Variants in EPB41L3 observed in about 807,000 individuals in gnomAD.
EPB41L3 encodes the protein band 4.1-like protein 3.
Under a neutral mutation model 127.1 loss-of-function variants are expected in EPB41L3, and 57 were observed. The ratio of observed to expected loss-of-function variants is 0.45; its 90% CI spans 0.36 to 0.56. The LOEUF (loss-of-function observed/expected upper bound fraction) is 0.56. EPB41L3 is among the 20% of genes least tolerant of loss of function. The pLI, the probability that EPB41L3 is intolerant of heterozygous loss-of-function variation, is 0.00. For synonymous variants in EPB41L3, 572 were observed against 549.5 expected (o/e 1.04, Z -0.57); for missense variants, 1,273 against 1,372.2 (o/e 0.93, Z 1.14).
At chr18:5,511,391 G>GTTTTTTT (rs1190047630) in intron 1 of EPB41L3, among the ~76,000 whole-genome samples, 1,247 of 59,956 alleles carry the variant, frequency 0.021, 33 homozygotes, top group Non-Finnish European at 0.024. Flanking sequence ...AGGTATTTTG[G>GTTTTTTT]TTTTTTTTTT....
At chr18:5,585,563 T>G (rs1313811424) in intron 3 of EPB41L3, among the ~76,000 whole-genome samples, 3 of 152,172 alleles carry the variant, frequency 2.0e-5, no homozygotes, top group Non-Finnish European at 2.9e-5. Flanking sequence ...CAGATCTATT[T>G]AAAAGATTCT....
chr18:5,452,756 G>A (rs542096638), intron 3 of EPB41L3, among the ~76,000 whole-genome samples: 19 of 151,158 alleles, frequency 1.3e-4, no homozygotes, highest in Non-Finnish European at 2.2e-4. Context: ...TACAATATAA[G>A]AAAACCAGAA....
chr18:5,596,070 C>T (rs1454832314), intron 3 of EPB41L3, among the ~76,000 whole-genome samples: 1 of 152,168 alleles, frequency 6.6e-6, no homozygotes, highest in Admixed American at 6.5e-5. Flanking sequence ...GATGCTTAAA[C>T]AATGGAATGA....
At chr18:5,510,730 C>T (rs2092469415) in intron 1 of EPB41L3, among the ~76,000 whole-genome samples, 1 of 152,200 alleles carries the variant, frequency 6.6e-6, no homozygotes, top group Non-Finnish European at 1.5e-5. Context: ...CAGTTTTTAG[C>T]TTTCTATCCT....
chr18:5,549,194 T>G (rs987580646), upstream of EPB41L3, among the ~76,000 whole-genome samples: 11 of 152,218 alleles, frequency 7.2e-5, no homozygotes, highest in African/African-American at 2.7e-4. Flanking sequence ...ATTAGCTTTG[T>G]TTCTTAATTT....
intron 1 of EPB41L3, among the ~76,000 whole-genome samples, chr18:5,523,243 C>A (rs894815109): frequency 6.6e-6 from 1 of 152,168 alleles, no homozygotes; most frequent in Non-Finnish European, 1.5e-5. Context: ...CTACTCAAAT[C>A]ATCCATAATG....
chr18:5,403,389 T>C (rs2074825763), intron 16 of EPB41L3, among the ~76,000 whole-genome samples: 1 of 152,140 alleles, frequency 6.6e-6, no homozygotes, highest in African/African-American at 2.4e-5. Flanking sequence ...TCTCAGAACA[T>C]AACATCATTA....
At chr18:5,611,682 T>C (rs760791757) in intron 3 of EPB41L3, among the ~76,000 whole-genome samples, 1 of 152,072 alleles carries the variant, frequency 6.6e-6, no homozygotes, top group Non-Finnish European at 1.5e-5. Flanking sequence ...AATCCCAACA[T>C]TTTAGGAGGC....
intron 5 of EPB41L3, among the ~76,000 whole-genome samples, chr18:5,439,637 A>G (rs1425032601): frequency 6.6e-6 from 1 of 152,128 alleles, no homozygotes; most frequent in African/African-American, 2.4e-5. Context: ...TCATTTTTAA[A>G]CCATTCAAAA....
intron 15 of EPB41L3, 39 bp downstream of exon 15, chr18:5,407,662 T>C (rs763053679): frequency 6.3e-6 from 10 of 1,581,096 alleles, no homozygotes; most frequent in South Asian, 5.6e-5. Flanking sequence ...CACTGTTGTT[T>C]TGTTGTTGTT....
chr18:5,485,028 A>G (rs1386417374), intron 2 of EPB41L3, among the ~76,000 whole-genome samples: 1 of 151,940 alleles, frequency 6.6e-6, no homozygotes, highest in Non-Finnish European at 1.5e-5. Context: ...AGACAAAGAT[A>G]CAACACAAAC....
In EPB41L3 at chr18:5,543,917, G is replaced by C. The variant is rs2149094046; in HGVS notation, c.-16C>G. On this transcript the variant is annotated 5_prime_UTR_variant, in exon 1 of 23. It adds an upstream start codon to the 5' untranslated region. Transcript: ENST00000341928. The surrounding 1 kb of genome is among the most constrained non-coding windows in gnomAD (Gnocchi z 5.2). ...TCCGAGAGGCGGAAAAGTTACCTGG[G>C]ATCAGCAGGGAGCCCGGGCGCGCCG... is the stretch of plus-strand genomic sequence containing the variant. The C allele has an allele frequency of 2.0e-6, 2 of 985,580 alleles. No homozygotes were observed. The highest frequency in any genetic ancestry group is 1.2e-4 in the Admixed American group (2 of 16,266). The allele number at this position is 985,580 out of a possible 1,614,324, so 61.1% of individuals were successfully genotyped here. A position where few individuals can be genotyped will look rare whatever the true frequency, so the allele number is the denominator to read the frequency against.
intron 1 of EPB41L3, among the ~76,000 whole-genome samples, chr18:5,531,165 C>A (rs1020900644): frequency 6.6e-6 from 1 of 152,184 alleles, no homozygotes; most frequent in African/African-American, 2.4e-5. Context: ...GGCTGTTCTG[C>A]ACATTTGTAG....
intron 3 of EPB41L3, among the ~76,000 whole-genome samples, chr18:5,586,410 T>G (rs1202132042): frequency 6.6e-6 from 1 of 151,772 alleles, no homozygotes; most frequent in Admixed American, 6.6e-5. Context: ...TTTGTTTTTT[T>G]TTTTTTTGAA....
At chr18:5,460,550 G>A (rs1208896620) in intron 3 of EPB41L3, among the ~76,000 whole-genome samples, 1 of 152,202 alleles carries the variant, frequency 6.6e-6, no homozygotes, top group Non-Finnish European at 1.5e-5. Flanking sequence ...CATACATAAT[G>A]AGGAGCATAA....
intron 20 of EPB41L3, among the ~76,000 whole-genome samples, 163 bp from the exon 21 acceptor site, chr18:5,395,310 C>T (rs750687392): frequency 2.4e-4 from 36 of 152,138 alleles, no homozygotes; most frequent in Middle Eastern, 3.2e-3. Context: ...GAGGTGAGGA[C>T]GGAATGGAGG....
In EPB41L3 at chr18:5,464,342, C is replaced by T. The variant is rs183152657; in HGVS notation, c.381+13899G>A. Among the ~76,000 whole-genome samples, 189 of 152,290 alleles carry T rather than the reference C, an allele frequency of 1.2e-3. 1 individual carries two copies. The South Asian group carries it at 0.024, about 20-fold the overall frequency. The stretch of plus-strand genomic sequence containing the variant: ...CCATTATGCACAATCTGAACCACCA[C>T]TGAGGAATCTTTACTCCTAAGAAGG... On this transcript the variant is annotated intron_variant, in intron 3 of 22. Transcript: ENST00000341928.
intron 1 of EPB41L3, among the ~76,000 whole-genome samples, chr18:5,497,755 T>C (rs2091310905): frequency 6.6e-6 from 1 of 152,192 alleles, no homozygotes; most frequent in Admixed American, 6.5e-5. Flanking sequence ...ATGGATATAT[T>C]CCTGTGGTTT....
chr18:5,432,473 T>A (rs533796959), intron 8 of EPB41L3, among the ~76,000 whole-genome samples: 1 of 152,202 alleles, frequency 6.6e-6, no homozygotes, highest in Non-Finnish European at 1.5e-5. Flanking sequence ...AAACAACCTC[T>A]GACCTTAACA....
Sources: gnomAD v4.1 joint callset for allele counts (sites outside exome capture counted in the v4.1 genomes callset) on GRCh38, gnomAD v4.1.1 for gene constraint, Gnocchi (gnomAD v3.1) non-coding constraint, MANE v1.5 for transcripts, NCBI Gene and HGNC (gene_info 2026-07-23, HGNC 2026-07-21) for gene names.